Variants in KIRREL3 observed in about 807,000 individuals in gnomAD.
The protein encoded by KIRREL3 is kirre like nephrin family adhesion molecule 3.
In KIRREL3, 36 loss-of-function variants were observed where a neutral mutation model predicts 89.7. The observed-to-expected ratio is 0.40, with a 90% CI of 0.31 to 0.53. KIRREL3 has a LOEUF of 0.53. Ranked by LOEUF, KIRREL3 falls within the 20% of genes least tolerant of loss-of-function variation. The pLI, the probability that KIRREL3 is intolerant of heterozygous loss-of-function variation, is 0.49. For missense variants in KIRREL3, 864 were observed against 1,056.6 expected, an observed-to-expected ratio of 0.82 and a Z score of 2.53; for synonymous variants, 445 against 441.4, an observed-to-expected ratio of 1.01 and a Z score of -0.10.
Position 126,528,382 on chromosome 11 carries a change from AC to A in KIRREL3, c.134-1696del, listed in dbSNP as rs2134449978. Among the ~76,000 whole-genome samples, 1 of 152,312 alleles carries A rather than the reference AC, an allele frequency of 6.6e-6. No homozygotes were observed. Among genetic ancestry groups the A allele is most frequent in the African/African-American group, 2.4e-5 (1 of 41,592 alleles). Reference sequence around the variant, plus strand: ...AGAGGGAGACACTTGGTGTGTATCAACCCAGGGGAGCTTGGATGGCAGCAGA... The same window carrying A: ...AGAGGGAGACACTTGGTGTGTATCAACCAGGGGAGCTTGGATGGCAGCAGA... On this transcript the variant is annotated intron_variant, in intron 2 of 16. Transcript: ENST00000525144. This position sits in a 1 kb window ranked among gnomAD's most constrained non-coding sequence, Gnocchi z 4.6.
chr11:126,680,272 C>A (rs1946388271), intron 1 of KIRREL3, among the ~76,000 whole-genome samples: 1 of 152,000 alleles, frequency 6.6e-6, no homozygotes, highest in Admixed American at 6.5e-5. Flanking sequence ...TCCTCCTAGC[C>A]TCAGTGAAAA....
rs991079756 is a variant in KIRREL3 at position 126,890,755 on chromosome 11, C to T, written c.55+109700G>A. On this transcript the variant is annotated intron_variant, in intron 1 of 16. Transcript: ENST00000525144. The surrounding 1 kb of genome is among the most constrained non-coding windows in gnomAD (Gnocchi z 5.1). The stretch of plus-strand genomic sequence containing the variant: ...GAGTGAGAGAGTAGACGACTGCAAA[C>T]ATGAGCGTCCCCCAGTCCCAGCACC... 6.6e-6 allele frequency among the ~76,000 whole-genome samples: 1 copy of T among 152,222 alleles called. No individual in the cohort carries two copies. Among genetic ancestry groups the T allele is most frequent in the Non-Finnish European group, 1.5e-5 (1 of 68,042 alleles).
In KIRREL3 at chr11:126,651,280, T is replaced by G. The variant is rs1377637081; in HGVS notation, c.56-88368A>C. 1.3e-5 allele frequency among the ~76,000 whole-genome samples: 2 copies of G among 152,236 alleles called. No individual in the cohort carries two copies. The highest frequency in any genetic ancestry group is 4.8e-5 in the African/African-American group (2 of 41,468). ...GTGGGATGGTGCACAGTTTGCGTGT[T>G]TCACTGAGTCTTGATAATTATTCCA... On this transcript the variant is annotated intron_variant, in intron 1 of 16. Transcript: ENST00000525144. The surrounding 1 kb of genome is among the most constrained non-coding windows in gnomAD (Gnocchi z 4.6).
At position 126,627,781 on chromosome 11, in the gene KIRREL3, C is replaced by A. The variant is rs1043804630; in HGVS notation, c.56-64869G>T. 4.6e-5 allele frequency among the ~76,000 whole-genome samples: 7 copies of A among 152,102 alleles called. No individual in the cohort carries two copies. The highest frequency in any genetic ancestry group is 7.4e-5 in the Non-Finnish European group (5 of 68,018). ...GGTGTTGGCAGGATTAGAGGGATGT[C>A]AGATGCTCAGAGAGAACTCACAGGC... On this transcript the variant is annotated intron_variant, in intron 1 of 16. Transcript: ENST00000525144. The surrounding 1 kb of genome is among the most constrained non-coding windows in gnomAD (Gnocchi z 5.0).
At position 126,877,450 on chromosome 11, in the gene KIRREL3, A is replaced by G. The variant is rs1945333951; in HGVS notation, c.55+123005T>C. Among the ~76,000 whole-genome samples, 1 of 152,318 alleles carries G rather than the reference A, an allele frequency of 6.6e-6. No homozygotes were observed. Among genetic ancestry groups the G allele is most frequent in the Middle Eastern group, 3.4e-3 (1 of 294 alleles). ...AAGCAGTCTGTAGTGAAAGTCTGCAATCCTGCAATGGAAAGAATCTCTTTC... is the reference window on the plus strand; with the variant it reads ...AAGCAGTCTGTAGTGAAAGTCTGCAGTCCTGCAATGGAAAGAATCTCTTTC... On this transcript the variant is annotated intron_variant, in intron 1 of 16. Transcript: ENST00000525144. This position sits in a 1 kb window ranked among gnomAD's most constrained non-coding sequence, Gnocchi z 4.9.
chr11:126,510,621 G>A (rs567310726), intron 4 of KIRREL3, among the ~76,000 whole-genome samples: 15 of 152,114 alleles, frequency 9.9e-5, no homozygotes, highest in African/African-American at 2.7e-4. Flanking sequence ...TCCATCCTCC[G>A]GAGCTCCAGA....
chr11:126,882,834 C>G (rs1945554822), intron 1 of KIRREL3, among the ~76,000 whole-genome samples: 1 of 152,196 alleles, frequency 6.6e-6, no homozygotes, highest in South Asian at 2.1e-4. Flanking sequence ...CTGTAAAACT[C>G]AACCAAACCT....
At chr11:126,841,725 C>T (rs537947802) in intron 1 of KIRREL3, among the ~76,000 whole-genome samples, 1 of 152,338 alleles carries the variant, frequency 6.6e-6, no homozygotes, top group African/African-American at 2.4e-5. Context: ...AGCTCCTGTG[C>T]ACCCTACAGC....
chr11:126,915,961 C>T (rs761758147), intron 1 of KIRREL3, among the ~76,000 whole-genome samples: 4 of 152,180 alleles, frequency 2.6e-5, no homozygotes, highest in Admixed American at 6.5e-5. Context: ...CTGCTCTCTT[C>T]GTGCAACCTC....
chr11:126,637,084 C>T (rs1301299150), intron 1 of KIRREL3, among the ~76,000 whole-genome samples: 3 of 152,128 alleles, frequency 2.0e-5, no homozygotes, highest in African/African-American at 7.2e-5. Flanking sequence ...GTCTCCTCTG[C>T]AGGATGACTC....
intron 1 of KIRREL3, among the ~76,000 whole-genome samples, chr11:126,851,908 C>T (rs1019504338): frequency 1.3e-5 from 2 of 152,180 alleles, no homozygotes; most frequent in African/African-American, 4.8e-5. Context: ...CAGACCGTGG[C>T]TCCTCTACCT....
rs972628150 is a variant in KIRREL3 at position 126,622,107 on chromosome 11, G to A, written c.56-59195C>T. 6.6e-6 allele frequency among the ~76,000 whole-genome samples: 1 copy of A among 152,102 alleles called. No homozygotes were observed. Among genetic ancestry groups the A allele is most frequent in the Non-Finnish European group, 1.5e-5 (1 of 68,022 alleles). ...TTGCCACAGATTAGGTATCTCATTTGTGTCATTATTTTGCTATCCTTGCCT... is the reference window on the plus strand; with the variant it reads ...TTGCCACAGATTAGGTATCTCATTTATGTCATTATTTTGCTATCCTTGCCT... On this transcript the variant is annotated intron_variant, in intron 1 of 16. Coordinates refer to ENST00000525144, the MANE Select transcript of KIRREL3 (RefSeq NM_032531.4). The surrounding 1 kb of genome is among the most constrained non-coding windows in gnomAD (Gnocchi z 5.2).
intron 1 of KIRREL3, among the ~76,000 whole-genome samples, chr11:126,966,690 G>A (rs1949281335): frequency 6.6e-6 from 1 of 152,108 alleles, no homozygotes; most frequent in African/African-American, 2.4e-5. Context: ...ACATGCCACT[G>A]GCCCTTCTCT....
At position 126,829,691 on chromosome 11, in the gene KIRREL3, G is replaced by A. The variant is rs532252814; in HGVS notation, c.55+170764C>T. 2.0e-5 allele frequency among the ~76,000 whole-genome samples: 3 copies of A among 152,300 alleles called. No homozygotes were observed. In the East Asian group the frequency reaches 5.8e-4, roughly 29 times the overall value. ...CTGGGTGCCAGGGACCAAGCATAGG[G>A]ACTATAGTGTGGTCAAAATAGGAAG... On this transcript the variant is annotated intron_variant, in intron 1 of 16. Transcript: ENST00000525144.
chr11:126,925,097 CGGGGGG>C (rs5795536), intron 1 of KIRREL3, among the ~76,000 whole-genome samples: 1 of 94,060 alleles, frequency 1.1e-5, no homozygotes. Flanking sequence ...ATAAAAAGGT[CGGGGGG>C]GGGGGGGGGC....
In KIRREL3 at chr11:126,508,461, G is replaced by A. The variant is rs77997170; in HGVS notation, c.433+12854C>T. 3.7e-3 allele frequency among the ~76,000 whole-genome samples: 559 copies of A among 152,250 alleles called. 5 individuals are homozygous for A. The highest frequency in any genetic ancestry group is 0.013 in the African/African-American group (540 of 41,550). ...CTCCCCAGGTCCATCTGAGGAGGAG[G>A]GGCTGCCAGGAAGGGTTTTTGGAAG... On this transcript the variant is annotated intron_variant, in intron 4 of 16. Transcript: ENST00000525144. This position sits in a 1 kb window ranked among gnomAD's most constrained non-coding sequence, Gnocchi z 4.9.
At chr11:126,922,125 AT>A (rs1947369923) in intron 1 of KIRREL3, among the ~76,000 whole-genome samples, 1 of 35,642 alleles carries the variant, frequency 2.8e-5, no homozygotes, top group African/African-American at 8.5e-5. Context: ...CTGTCTGTCT[AT>A]CTATCTATCT....
chr11:126,714,812 C>G lies in KIRREL3; in HGVS notation c.56-151900G>C, dbSNP rs35922350. ...ACTACTTGCATTTGAATCCTTGTCTCTGGGTCTGCTTTGAGGGAAGATGTG... is the reference window on the plus strand; with the variant it reads ...ACTACTTGCATTTGAATCCTTGTCTGTGGGTCTGCTTTGAGGGAAGATGTG... On this transcript the variant is annotated intron_variant, in intron 1 of 16. Transcript: ENST00000525144. 3.5e-3 allele frequency among the ~76,000 whole-genome samples: 532 copies of G among 152,310 alleles called. 5 individuals carry two copies. Among genetic ancestry groups the G allele is most frequent in the Non-Finnish European group, 5.5e-3 (373 of 68,026 alleles).
At chr11:126,746,390 G>A (rs1949150968) in intron 1 of KIRREL3, among the ~76,000 whole-genome samples, 2 of 152,138 alleles carry the variant, frequency 1.3e-5, no homozygotes, top group Admixed American at 1.3e-4. Flanking sequence ...GGGACTTCAG[G>A]ATCAGCTTTC....
Sources: gnomAD v4.1 joint callset for allele counts (sites outside exome capture counted in the v4.1 genomes callset) on GRCh38, gnomAD v4.1.1 for gene constraint, Gnocchi (gnomAD v3.1) non-coding constraint, MANE v1.5 for transcripts, NCBI Gene and HGNC (gene_info 2026-07-23, HGNC 2026-07-21) for gene names.